Variants in MYRIP observed in about 807,000 individuals in gnomAD.
MYRIP encodes rab effector MyRIP.
Under a neutral mutation model 98.0 loss-of-function variants are expected in MYRIP, and 49 were observed. The observed-to-expected ratio is 0.50, with a 90% CI of 0.40 to 0.63. The LOEUF (loss-of-function observed/expected upper bound fraction) is 0.63. Among genes scored for constraint, MYRIP ranks in the 30% least tolerant of loss-of-function variants. MYRIP has a pLI of 0.00. For synonymous variants in MYRIP, 404 were observed against 409.5 expected, an observed-to-expected ratio of 0.99 and a Z score of 0.16; for missense variants, 1,004 against 1,058.2, an observed-to-expected ratio of 0.95 and a Z score of 0.71.
intron 2 of MYRIP, among the ~76,000 whole-genome samples, chr3:40,043,008 A>G (rs949205356): frequency 6.6e-5 from 10 of 152,198 alleles, no homozygotes; most frequent in South Asian, 2.1e-4. Context: ...CACTGCTGCT[A>G]TGCTCAGCAT....
At chr3:40,006,109 T>C (rs1946627861) in intron 2 of MYRIP, among the ~76,000 whole-genome samples, 1 of 152,154 alleles carries the variant, frequency 6.6e-6, no homozygotes, top group Admixed American at 6.5e-5. Flanking sequence ...AAGGTGCATA[T>C]GGTTAAAGAA....
chr3:40,151,721 G>A (rs1208209355), intron 4 of MYRIP, among the ~76,000 whole-genome samples: 1 of 152,132 alleles, frequency 6.6e-6, no homozygotes, highest in East Asian at 1.9e-4. Flanking sequence ...CAAGCTACTT[G>A]GAATGGGAAA....
chr3:39,929,256 G>C (rs750261774), intron 2 of MYRIP, among the ~76,000 whole-genome samples: 9 of 151,868 alleles, frequency 5.9e-5, no homozygotes, highest in Non-Finnish European at 1.2e-4. Context: ...TAAATGGAGA[G>C]ACATACAGTG....
At chr3:40,009,594 G>A (rs901613335) in intron 2 of MYRIP, among the ~76,000 whole-genome samples, 1 of 152,152 alleles carries the variant, frequency 6.6e-6, no homozygotes, top group Non-Finnish European at 1.5e-5. Flanking sequence ...CAGCCCTGCT[G>A]AAAAGCAATC....
At chr3:40,060,171 G>C (rs1035340096) in intron 3 of MYRIP, among the ~76,000 whole-genome samples, 1 of 152,270 alleles carries the variant, frequency 6.6e-6, no homozygotes, top group Admixed American at 6.5e-5. Flanking sequence ...TTTACAAGGT[G>C]TCATTAATTT....
intron 2 of MYRIP, among the ~76,000 whole-genome samples, chr3:40,010,956 A>G (rs1024761181): frequency 1.3e-5 from 2 of 151,948 alleles, no homozygotes; most frequent in Admixed American, 1.3e-4. Flanking sequence ...TATGTGAATA[A>G]CCCATTTCTC....
chr3:40,026,461 G>T (rs1947131881), intron 2 of MYRIP, among the ~76,000 whole-genome samples: 1 of 152,104 alleles, frequency 6.6e-6, no homozygotes, highest in Admixed American at 6.5e-5. Flanking sequence ...AATCATCACA[G>T]GGTCCTGAGG....
At chr3:40,112,430 C>T (rs114655582) in intron 3 of MYRIP, among the ~76,000 whole-genome samples, 5 of 152,244 alleles carry the variant, frequency 3.3e-5, no homozygotes, top group Non-Finnish European at 5.9e-5. Flanking sequence ...TGAACTGGGC[C>T]AACCCTCAAT....
At chr3:40,011,310 C>T (rs1450218143) in intron 2 of MYRIP, among the ~76,000 whole-genome samples, 1 of 152,160 alleles carries the variant, frequency 6.6e-6, no homozygotes, top group Non-Finnish European at 1.5e-5. Context: ...GAAAGCAATA[C>T]CTAGAAATCA....
intron 3 of MYRIP, among the ~76,000 whole-genome samples, chr3:40,054,711 T>C (rs1458195305): frequency 1.3e-5 from 2 of 152,106 alleles, no homozygotes; most frequent in Non-Finnish European, 2.9e-5. Flanking sequence ...CCCTACAAAG[T>C]GTGGACTTGC....
At chr3:40,010,992 G>A (rs941765983) in intron 2 of MYRIP, among the ~76,000 whole-genome samples, 2 of 152,054 alleles carry the variant, frequency 1.3e-5, no homozygotes, top group African/African-American at 4.8e-5. Context: ...ATCAGCAGTG[G>A]GTTTAGGACT....
chr3:40,045,445 G>A (rs1947651661), intron 3 of MYRIP, among the ~76,000 whole-genome samples: 1 of 152,150 alleles, frequency 6.6e-6, no homozygotes, highest in African/African-American at 2.4e-5. Flanking sequence ...TTGAAAGGGG[G>A]AGGAAAAGCC....
intron 2 of MYRIP, among the ~76,000 whole-genome samples, chr3:39,953,052 T>C (rs951006749): frequency 1.3e-5 from 2 of 152,200 alleles, no homozygotes; most frequent in African/African-American, 4.8e-5. Flanking sequence ...CTGGAATTGC[T>C]GCTGTTTCTG....
chr3:39,915,588 A>T (rs766734682), intron 2 of MYRIP, among the ~76,000 whole-genome samples: 1 of 152,034 alleles, frequency 6.6e-6, no homozygotes, highest in South Asian at 2.1e-4. Context: ...AGTATCTTTT[A>T]AAAGACTCTC....
intron 8 of MYRIP, among the ~76,000 whole-genome samples, chr3:40,176,480 T>C (rs372522102): frequency 3.3e-5 from 5 of 152,320 alleles, no homozygotes; most frequent in African/African-American, 1.2e-4. Flanking sequence ...CCAGGTATGG[T>C]GGCTCATGCC....
At chr3:39,898,224 G>T (rs1943660301) in intron 1 of MYRIP, among the ~76,000 whole-genome samples, 2 of 152,096 alleles carry the variant, frequency 1.3e-5, no homozygotes, top group African/African-American at 4.8e-5. Context: ...GGGCAAAGTG[G>T]ACTGACAATT....
rs66600615 is a variant in MYRIP at position 40,042,288 on chromosome 3, T to TA, written c.111-1741dup. On this transcript the variant is annotated intron_variant, in intron 2 of 16. Transcript: ENST00000302541. Reference sequence around the variant, plus strand: ...AAGCATATAATAAAGACTGGAAGGATAAAAAAAAAAAAAAAAAAAAAGAGA... The same window carrying TA: ...AAGCATATAATAAAGACTGGAAGGATAAAAAAAAAAAAAAAAAAAAAAGAGA... Among the ~76,000 whole-genome samples, 598 of 112,544 alleles carry TA rather than the reference T, an allele frequency of 5.3e-3. 3 individuals are homozygous for TA. Among genetic ancestry groups the TA allele is most frequent in the African/African-American group, 0.014 (411 of 29,694 alleles). 73.8% of individuals were successfully genotyped at this position (112,544 alleles called of 152,430 possible). A position where few individuals can be genotyped will look rare whatever the true frequency, so the allele number is the denominator to read the frequency against.
intron 1 of MYRIP, among the ~76,000 whole-genome samples, chr3:39,834,143 C>G (rs951829631): frequency 3.3e-5 from 5 of 152,230 alleles, no homozygotes; most frequent in African/African-American, 1.2e-4. Flanking sequence ...TTGGTAGTCC[C>G]TCTCAAATTG....
intron 2 of MYRIP, among the ~76,000 whole-genome samples, chr3:39,972,722 G>A (rs1052456127): frequency 6.6e-6 from 1 of 152,002 alleles, no homozygotes; most frequent in African/African-American, 2.4e-5. Flanking sequence ...AATAGAAACA[G>A]GTGTTGCACT....
Sources: gnomAD v4.1 joint callset for allele counts (sites outside exome capture counted in the v4.1 genomes callset) on GRCh38, gnomAD v4.1.1 for gene constraint, MANE v1.5 for transcripts, NCBI Gene and HGNC (gene_info 2026-07-23, HGNC 2026-07-21) for gene names.